C16orf96: variants seen among roughly 807,000 people sequenced by gnomAD.
The protein encoded by C16orf96 is uncharacterized protein C16orf96.
Under a neutral mutation model 103.6 loss-of-function variants are expected in C16orf96, and 108 were observed. The ratio of observed to expected loss-of-function variants is 1.04; its 90% CI spans 0.89 to 1.22. The LOEUF (loss-of-function observed/expected upper bound fraction) is 1.22, where lower values mean the gene tolerates loss of function less well. Among genes scored for constraint, C16orf96 ranks in the 50% most tolerant of loss-of-function variants. The probability of loss-of-function intolerance (pLI) is 0.00; values close to 1 mark genes in which losing one functional copy is unlikely to be tolerated. For synonymous variants in C16orf96, 566 were observed against 593.5 expected (o/e 0.95, Z 0.67); for missense variants, 1,586 against 1,464.2 (o/e 1.08, Z -1.36).
chr16:4,554,232 A>G (rs2059243341), upstream of C16orf96, among the ~76,000 whole-genome samples: 2 of 152,144 alleles, frequency 1.3e-5, no homozygotes, highest in Admixed American at 6.5e-5. Flanking sequence ...TTGAGAGCAC[A>G]GGGGTTGTGA....
At chr16:4,554,247 C>G (rs561029010), upstream of C16orf96, among the ~76,000 whole-genome samples, 1 of 152,322 alleles carries the variant, frequency 6.6e-6, no homozygotes, top group East Asian at 1.9e-4. Context: ...TTGTGAAGAG[C>G]CCAGCTCAAG....
At position 4,592,064 on chromosome 16, in the gene C16orf96, G is replaced by C. The variant is rs1297958057; in HGVS notation, c.2712-241G>C. ...CACCCAGACAGTGCCCCAGGCAGAG[G>C]GACCCAATATTTATGGGGCTCCTGT... On this transcript the variant is annotated intron_variant, in intron 10 of 15. Transcript: ENST00000444310. Among the ~76,000 whole-genome samples the C allele has an allele frequency of 5.9e-5, 9 of 152,186 alleles. No homozygotes were observed. The East Asian group carries it at 1.7e-3, about 29-fold the overall frequency.
the C16orf96 span, among the ~76,000 whole-genome samples, chr16:4,541,532 C>T: frequency 6.6e-6 from 1 of 152,204 alleles, no homozygotes; most frequent in Non-Finnish European, 1.5e-5. Context: ...TGGGATTGTG[C>T]CACTGCACTC....
At chr16:4,595,156 A>C (rs1201436199) in intron 14 of C16orf96, among the ~76,000 whole-genome samples, 3 of 152,300 alleles carry the variant, frequency 2.0e-5, no homozygotes, top group East Asian at 3.9e-4. Context: ...GCTGCCCTGA[A>C]GCCCTTGAAG....
In C16orf96 at chr16:4,575,651, A is replaced by G; in HGVS notation, c.1171A>G (p.Arg391Gly). The G allele has an allele frequency of 6.5e-7, 1 of 1,535,554 alleles. No homozygotes were observed. Among genetic ancestry groups the G allele is most frequent in the Non-Finnish European group, 8.8e-7 (1 of 1,140,082 alleles). The change falls in exon 5 of 16, where the codon AGA becomes GGA. Residue 391 changes from arginine to glycine, a missense_variant. By Grantham distance (125) the Arg-to-Gly change is moderately radical (BLOSUM62 -2). Coordinates refer to ENST00000444310, the MANE Select transcript of C16orf96 (RefSeq NM_001145011.2). ...ACTGGGAGACTGGCCTGCACTCCCA[A>G]GACGCTGGCCTCTTCCCCAAGGCTG... Reference protein sequence around the residue: ...PPLGDWPALPRRWPLPQGWPR... With the variant: ...PPLGDWPALPGRWPLPQGWPR...
At chr16:4,574,685 C>T in intron 2 of C16orf96, 24 bp from the exon 3 acceptor site, 5 of 1,544,840 alleles carry the variant, frequency 3.2e-6, no homozygotes, top group Non-Finnish European at 4.4e-6. Context: ...GACCCCCAGT[C>T]CACAGACTCA....
intron 1 of C16orf96, among the ~76,000 whole-genome samples, chr16:4,562,449 G>A (rs1187010944): frequency 8.1e-5 from 9 of 110,530 alleles, no homozygotes; most frequent in African/African-American, 2.9e-4. Flanking sequence ...GGACAATGGA[G>A]CAAGACTGTG....
rs1356639501 is a variant in C16orf96 at position 4,575,680 on chromosome 16, C to T, written c.1200C>T (p.Pro400=). ...PRRWPLPQGW[P]RVGSWPLWDL... ...GCTGGCCTCTTCCCCAAGGCTGGCC[C>T]AGGGTGGGCTCTTGGCCTCTGTGGG... The change falls in exon 5 of 16, where the codon CCC becomes CCT. Residue 400 remains proline (P), a synonymous_variant. Transcript: ENST00000444310. The T allele has an allele frequency of 2.0e-6, 3 of 1,535,814 alleles. No homozygotes were observed. Among genetic ancestry groups the T allele is most frequent in the Non-Finnish European group, 2.6e-6 (3 of 1,139,928 alleles).
At position 4,593,328 on chromosome 16, in the gene C16orf96, G is replaced by T; in HGVS notation, c.2867+12G>T. The T allele has an allele frequency of 6.5e-7, 1 of 1,549,486 alleles. No individual in the cohort carries two copies. The highest frequency in any genetic ancestry group is 1.2e-5 in the South Asian group (1 of 83,912). Reference sequence around the variant, plus strand: ...CGGCAACAGATGAGGTGAGCAGGATGGGCGCCCCGCAGGGAGGCCGCCCCG... The same window carrying T: ...CGGCAACAGATGAGGTGAGCAGGATTGGCGCCCCGCAGGGAGGCCGCCCCG... On this transcript the variant is annotated intron_variant, in intron 12 of 15. Transcript: ENST00000444310. The surrounding 1 kb of genome is among the most constrained non-coding windows in gnomAD (Gnocchi z 4.2).
intron 7 of C16orf96, among the ~76,000 whole-genome samples, chr16:4,583,952 G>T (rs1206674340): frequency 6.9e-6 from 1 of 144,782 alleles, no homozygotes; most frequent in Admixed American, 7.0e-5. Flanking sequence ...AAAAAAATAG[G>T]CCAAGAAGAC....
chr16:4,600,033 C>A, intron 15 of C16orf96, 67 bp from the exon 16 acceptor site: 11 of 1,400,318 alleles, frequency 7.9e-6, no homozygotes, highest in Non-Finnish European at 1.1e-5. Context: ...GGGGATGGCC[C>A]CATCAGGCTA....
intron 1 of C16orf96, among the ~76,000 whole-genome samples, chr16:4,570,939 C>T (rs1049348526): frequency 3.3e-5 from 5 of 152,056 alleles, no homozygotes; most frequent in South Asian, 2.1e-4. Flanking sequence ...GAGGATGACG[C>T]GGGCAGATTG....
chr16:4,580,456 G>T (rs2059571735), intron 7 of C16orf96, among the ~76,000 whole-genome samples: 1 of 152,042 alleles, frequency 6.6e-6, no homozygotes, highest in Non-Finnish European at 1.5e-5. Flanking sequence ...AACTTCTTGT[G>T]CCAACTGTTA....
chr16:4,586,981 G>T, intron 7 of C16orf96, 58 bp from the exon 8 acceptor site: 2 of 1,477,616 alleles, frequency 1.4e-6, no homozygotes, highest in South Asian at 2.4e-5. Context: ...GTGGGAGGTT[G>T]ACATTTTATC....
rs1362296850 is a variant in C16orf96, at chr16:4,594,711, T to G, written c.3035T>G (p.Val1012Gly). 1 of 1,550,932 alleles carries G rather than the reference T, an allele frequency of 6.4e-7. No individual in the cohort carries two copies. The highest frequency in any genetic ancestry group is 8.7e-7 in the Non-Finnish European group (1 of 1,146,906). ...ACCTGGGCCATCCAACAGGCCGAGG[T>G]GGACATCCTGGGCGTGGATGGGATC... ...PHVIDYDSAE[V>G]DILGVDGILY... The change falls in exon 14 of 16, where the codon GTG becomes GGG. Residue 1012 changes from valine (V) to glycine (G), a missense_variant. By Grantham distance (109) the Val-to-Gly change is moderately radical. Coordinates refer to ENST00000444310, the MANE Select transcript of C16orf96 (RefSeq NM_001145011.2).
chr16:4,548,876 C>CCA, the C16orf96 span, among the ~76,000 whole-genome samples: 1 of 133,062 alleles, frequency 7.5e-6, no homozygotes, highest in Non-Finnish European at 1.6e-5. Flanking sequence ...GTGAGACTCT[C>CCA]AAAAAAAAAA....
At chr16:4,591,314 G>A (rs1393425173) in intron 9 of C16orf96, among the ~76,000 whole-genome samples, 1 of 152,234 alleles carries the variant, frequency 6.6e-6, no homozygotes, top group African/African-American at 2.4e-5. Flanking sequence ...ATAAACATGT[G>A]TTGAGTGTGT....
intron 14 of C16orf96, 45 bp from the exon 15 acceptor site, chr16:4,599,239 A>G: frequency 6.6e-7 from 1 of 1,506,690 alleles, no homozygotes; most frequent in Non-Finnish European, 9.0e-7. Flanking sequence ...ACACAGGCCC[A>G]GGGGTGGATG....
rs1351918989 is a variant in C16orf96 at position 4,594,371 on chromosome 16, T to C, written c.2888T>C (p.Leu963Pro). Reference sequence around the variant, plus strand: ...TGCAGGGAACAGCAGTGGCTGCAGCTCCAGGACCTCGGTATCCAGGAGGAT... The same window carrying C: ...TGCAGGGAACAGCAGTGGCTGCAGCCCCAGGACCTCGGTATCCAGGAGGAT... ...QQMREQQWLQ[L>P]QDLGIQEDCQ... The change falls in exon 13 of 16, where the codon CTC becomes CCC. Residue 963 changes from leucine to proline, a missense_variant. Physicochemically the swap from Leu to Pro is moderately conservative, Grantham distance 98. Transcript: ENST00000444310. The C allele has an allele frequency of 2.6e-6, 4 of 1,550,542 alleles. No individual in the cohort carries two copies. Among genetic ancestry groups the C allele is most frequent in the Non-Finnish European group, 3.5e-6 (4 of 1,146,940 alleles).
Sources: allele counts gnomAD v4.1 joint callset (sites outside exome capture counted in the v4.1 genomes callset), GRCh38; gene constraint gnomAD v4.1.1; non-coding constraint Gnocchi (gnomAD v3.1); transcripts MANE v1.5; gene names NCBI Gene and HGNC (gene_info 2026-07-23, HGNC 2026-07-21).